The following ADAM8 variants were observed in gnomAD, a reference collection of about 807,000 sequenced individuals.
ADAM8 encodes disintegrin and metalloproteinase domain-containing protein 8.
Under a neutral mutation model 102.4 loss-of-function variants are expected in ADAM8, and 104 were observed. The ratio of observed to expected loss-of-function variants is 1.02; its 90% CI spans 0.87 to 1.20. ADAM8 has a LOEUF of 1.20. Among genes scored for constraint, ADAM8 ranks in the 50% most tolerant of loss-of-function variants. The pLI, the probability that ADAM8 is intolerant of heterozygous loss-of-function variation, is 0.00. For synonymous variants in ADAM8, 517 were observed against 485.2 expected (o/e 1.07, Z -0.86); for missense variants, 1,132 against 1,159.0 (o/e 0.98, Z 0.34).
In ADAM8 at chr10:133,273,801, G is replaced by C. The variant is rs3810960; in HGVS notation, c.344C>G (p.Pro115Arg). 1.9e-6 allele frequency: 3 copies of C among 1,548,898 alleles called. No individual in the cohort carries two copies. The Admixed American group carries it at 5.9e-5, about 30-fold the overall frequency. Residue 115 changes from proline to arginine, a missense_variant, in exon 5 of 23, where the codon CCG becomes CGG. Transcript: ENST00000445355. Reference protein sequence around the residue: ...CFYQGHVEGYPDSAASLSTCA... With the variant: ...CFYQGHVEGYRDSAASLSTCA... ...GGTGCTGAGGCTGGCGGCTGAGTCC[G>C]GGTACCCCTCTACGTGGCCCTGGTA...
In ADAM8 at chr10:133,272,997, G is replaced by C. The variant is rs1846604086; in HGVS notation, c.596C>G (p.Thr199Ser). The C allele has an allele frequency of 6.2e-7, 1 of 1,612,696 alleles. No homozygotes were observed. Among genetic ancestry groups the C allele is most frequent in the African/African-American group, 1.3e-5 (1 of 74,880 alleles). The part of the protein sequence containing the change: ...RPGDSLPSRE[T>S]RYVELYVVVD... ...GACCACATACAGCTCCACGTAGCGG[G>C]TCTCTCGGGATGGCAGAGAGTCCTG... The change falls in exon 7 of 23, where the codon ACC becomes AGC. Residue 199 changes from threonine to serine, a missense_variant. Thr to Ser is a moderately conservative substitution (Grantham distance 58, BLOSUM62 1). Transcript: ENST00000445355.
chr10:133,267,799 T>A (rs1016161939), intron 20 of ADAM8, 130 bp downstream of exon 20: 22 of 1,005,350 alleles, frequency 2.2e-5, no homozygotes, highest in Non-Finnish European at 2.8e-5. Flanking sequence ...GCTCTGGGCC[T>A]CGGGGCCACC....
intron 10 of ADAM8, 65 bp from the exon 11 acceptor site, chr10:133,272,019 C>T: frequency 6.3e-7 from 1 of 1,587,274 alleles, no homozygotes; most frequent in South Asian, 1.1e-5. Context: ...ACCCTCACCC[C>T]ACCAGGGCCC....
At position 133,269,907 on chromosome 10, in the gene ADAM8, T is replaced by C. The variant is rs781247478; in HGVS notation, c.1853A>G (p.His618Arg). 1 of 1,612,770 alleles carries C rather than the reference T, an allele frequency of 6.2e-7. No homozygotes were observed. The highest frequency in any genetic ancestry group is 1.1e-5 in the South Asian group (1 of 91,090). The change falls in exon 17 of 23, where the codon CAC becomes CGC. Residue 618 changes from histidine (H) to arginine (R), a missense_variant. His to Arg is a conservative substitution (Grantham distance 29). Transcript: ENST00000445355. ...AGAGGCCACACATACCCCATGGTTGTGGCACTGGGCAGAGCAGTTGCTGGA... is the reference window on the plus strand; with the variant it reads ...AGAGGCCACACATACCCCATGGTTGCGGCACTGGGCAGAGCAGTTGCTGGA... ...YRSSNCSAQC[H>R]NHGVCNHKQE...
intron 2 of ADAM8, among the ~76,000 whole-genome samples, chr10:133,274,634 G>T (rs1288497319): frequency 6.6e-6 from 1 of 152,058 alleles, no homozygotes. Context: ...ATCTGACCAC[G>T]CATGGGTAAC....
intron 4 of ADAM8, 53 bp downstream of exon 4, chr10:133,273,898 G>A: frequency 6.4e-7 from 1 of 1,556,450 alleles, no homozygotes; most frequent in South Asian, 1.2e-5. Flanking sequence ...ACAGGCTCGG[G>A]GAGGGCCGCC....
intron 1 of ADAM8, 38 bp from the exon 2 acceptor site, chr10:133,275,625 G>A: frequency 8.1e-7 from 1 of 1,230,976 alleles, no homozygotes; most frequent in South Asian, 1.6e-5. Flanking sequence ...AGGGGCCGGG[G>A]GGCAGGTTTC....
Position 133,272,445 on chromosome 10 carries a change from C to T in ADAM8, c.846G>A (p.Arg282=). 1 of 1,598,306 alleles carries T rather than the reference C, an allele frequency of 6.3e-7. No individual in the cohort carries two copies. Among genetic ancestry groups the T allele is most frequent in the Non-Finnish European group, 8.5e-7 (1 of 1,172,656 alleles). ...TGAGCTGTACGTTGTCATGCAGGTG[C>T]CGCCGTGTCCGTTGCCGTGCCTGCC... is the stretch of plus-strand genomic sequence containing the variant. ...LTWQARQRTR[R]HLHDNVQLIT... The change falls in exon 9 of 23, where the codon CGG becomes CGA. Residue 282 remains arginine (R), a synonymous_variant. Coordinates refer to ENST00000445355, the MANE Select transcript of ADAM8 (RefSeq NM_001109.5).
rs781748740 is a variant in ADAM8 at position 133,269,406 on chromosome 10, T to A, written c.1948+39A>T. The A allele has an allele frequency of 3.4e-6, 5 of 1,474,542 alleles. No individual in the cohort carries two copies. In the African/African-American group the frequency reaches 5.6e-5, roughly 17 times the overall value. 91.3% of individuals were successfully genotyped at this position (1,474,542 alleles called of 1,614,324 possible). A position where few individuals can be genotyped will look rare whatever the true frequency, so the allele number is the denominator to read the frequency against. On this transcript the variant is annotated intron_variant, in intron 18 of 22. Coordinates refer to ENST00000445355, the MANE Select transcript of ADAM8 (RefSeq NM_001109.5). ...GGGCTCTGTTCGGGCCCTCTGAGCTTGGACCCCAGCCCCACCTGCGCTGGC... is the reference window on the plus strand; with the variant it reads ...GGGCTCTGTTCGGGCCCTCTGAGCTAGGACCCCAGCCCCACCTGCGCTGGC...
intron 12 of ADAM8, 66 bp downstream of exon 12, chr10:133,271,462 T>C: frequency 3.3e-6 from 5 of 1,499,062 alleles, no homozygotes; most frequent in Non-Finnish European, 4.5e-6. Flanking sequence ...GTGGTCACCC[T>C]GGCCTGAAGG....
intron 20 of ADAM8, among the ~76,000 whole-genome samples, chr10:133,267,690 A>G (rs922657943): frequency 1.3e-5 from 2 of 152,150 alleles, no homozygotes; most frequent in East Asian, 1.9e-4. Flanking sequence ...GGAGCCCCCA[A>G]GTTTAAGTTC....
chr10:133,272,021 C>T, intron 10 of ADAM8, 67 bp from the exon 11 acceptor site: 2 of 1,585,478 alleles, frequency 1.3e-6, no homozygotes, highest in South Asian at 2.2e-5. Flanking sequence ...CCTCACCCCA[C>T]CAGGGCCCAG....
At chr10:133,275,271 G>C (rs1589814270) in intron 2 of ADAM8, among the ~76,000 whole-genome samples, 1 of 152,202 alleles carries the variant, frequency 6.6e-6, no homozygotes, top group East Asian at 1.9e-4. Context: ...CTCCCTTCCA[G>C]GGGTCCATAG....
chr10:133,267,781 C>T (rs1846371315), intron 20 of ADAM8, 148 bp downstream of exon 20: 3 of 835,126 alleles, frequency 3.6e-6, no homozygotes, highest in Non-Finnish European at 5.1e-6. Context: ...AGGGCGACCA[C>T]AGCAGCTGCT....
chr10:133,273,698 C>A (rs574076054), intron 5 of ADAM8, 64 bp downstream of exon 5: 1 of 1,507,242 alleles, frequency 6.6e-7, no homozygotes, highest in East Asian at 2.5e-5. Flanking sequence ...TTCCCCACCC[C>A]CACCACAGGC....
In ADAM8 at chr10:133,271,643, C is replaced by A. The variant is rs371368002; in HGVS notation, c.1169G>T (p.Arg390Leu). 7 of 1,556,526 alleles carry A rather than the reference C, an allele frequency of 4.5e-6. No homozygotes were observed. Among genetic ancestry groups the A allele is most frequent in the Non-Finnish European group, 6.1e-6 (7 of 1,150,266 alleles). ...GTTGGCGAGGCACACCGACTGCGGC[C>A]GCTCCAAAAAGCTCTCCAGGTAGGC... ...SQAYLESFLE[R>L]PQSVCLANAP... Residue 390 changes from arginine to leucine, a missense_variant, in exon 12 of 23, where the codon CGG becomes CTG. Arg to Leu is a moderately radical substitution (Grantham distance 102, BLOSUM62 -2). Coordinates refer to ENST00000445355, the MANE Select transcript of ADAM8 (RefSeq NM_001109.5).
intron 4 of ADAM8, 48 bp downstream of exon 4, chr10:133,273,903 G>A: frequency 6.4e-7 from 1 of 1,557,550 alleles, no homozygotes; most frequent in Non-Finnish European, 8.7e-7. Flanking sequence ...CTCGGGGAGG[G>A]CCGCCCAGCC....
Position 133,270,944 on chromosome 10 carries a change from C to G in ADAM8, c.1501G>C (p.Gly501Arg). 6.2e-7 allele frequency: 1 copy of G among 1,612,782 alleles called. No individual in the cohort carries two copies. Among genetic ancestry groups the G allele is most frequent in the Non-Finnish European group, 8.5e-7 (1 of 1,179,924 alleles). Residue 501 changes from glycine (G) to arginine (R), a missense_variant, in exon 14 of 23, where the codon GGC (glycine) becomes CGC (arginine). By Grantham distance (125) the Gly-to-Arg change is moderately radical (BLOSUM62 -2). Transcript: ENST00000445355. ...GGACAGGCCCCGTTGTAGCAGTAGC[C>G]CCCGGAGCAGGGCGTGCCGTTCTCC... ...FQENGTPCSG[G>R]YCYNGACPTL...
intron 8 of ADAM8, 94 bp downstream of exon 8, chr10:133,272,704 C>A (rs1211382476): frequency 4.6e-6 from 7 of 1,532,040 alleles, no homozygotes; most frequent in Non-Finnish European, 6.2e-6. Flanking sequence ...AGGTGCGGGG[C>A]AGAGCTGGAG....
Sources: gnomAD v4.1 joint callset for allele counts (sites outside exome capture counted in the v4.1 genomes callset) on GRCh38, gnomAD v4.1.1 for gene constraint, MANE v1.5 for transcripts, NCBI Gene and HGNC (gene_info 2026-07-23, HGNC 2026-07-21) for gene names.